The following KCNMA1 variants were observed in gnomAD, a reference collection of about 807,000 sequenced individuals.
KCNMA1 encodes the protein Calcium-activated potassium channel subunit alpha-1.
Under a neutral mutation model 140.0 loss-of-function variants are expected in KCNMA1, and 29 were observed. The observed-to-expected ratio is 0.21, with a 90% confidence interval of 0.15 to 0.28. The LOEUF (loss-of-function observed/expected upper bound fraction) is 0.28, where lower values mean the gene tolerates loss of function less well. Ranked by LOEUF, KCNMA1 falls within the 10% of genes least tolerant of loss-of-function variation. The probability of loss-of-function intolerance (pLI) is 1.00; values close to 1 mark genes in which losing one functional copy is unlikely to be tolerated. For missense variants in KCNMA1, 880 were observed against 1,602.2 expected (o/e 0.55, Z 7.70); for synonymous variants, 612 against 611.9 (o/e 1.00, Z 0.00).
At chr10:77,584,551 G>A (rs916624938) in intron 1 of KCNMA1, among the ~76,000 whole-genome samples, 95 of 152,138 alleles carry the variant, frequency 6.2e-4, no homozygotes, top group African/African-American at 2.0e-3. Context: ...GACAGGGAGG[G>A]TTTCACCATG....
chr10:77,329,998 T>C (rs546706393), intron 2 of KCNMA1, among the ~76,000 whole-genome samples: 15 of 152,338 alleles, frequency 9.8e-5, no homozygotes, highest in Admixed American at 5.2e-4. Context: ...TAATTAGTTT[T>C]ATTGTTATTA....
intron 2 of KCNMA1, among the ~76,000 whole-genome samples, chr10:77,339,799 G>A (rs1192587725): frequency 1.3e-5 from 2 of 152,240 alleles, no homozygotes; most frequent in Non-Finnish European, 2.9e-5. Context: ...ATTCTGCAGG[G>A]GAAGATGTCT....
Position 76,886,537 on chromosome 10 carries a change from C to A in KCNMA1, c.*729G>T, listed in dbSNP as rs901648312. 1.4e-5 allele frequency: 14 copies of A among 985,172 alleles called. No homozygotes were observed. The highest frequency in any genetic ancestry group is 1.7e-5 in the Non-Finnish European group (14 of 829,870). 61.0% of individuals were successfully genotyped at this position (985,172 alleles called of 1,614,324 possible). A position where few individuals can be genotyped will look rare whatever the true frequency, so the allele number is the denominator to read the frequency against. ...TAAACTAAATGACTAGAATTTGATA[C>A]ATCCATGATTGGAATACTATTCTCT... On this transcript the variant is annotated 3_prime_UTR_variant, in exon 28 of 28. Transcript: ENST00000286628.
chr10:77,345,593 G>C (rs1456747613), intron 2 of KCNMA1, among the ~76,000 whole-genome samples: 1 of 152,214 alleles, frequency 6.6e-6, no homozygotes, highest in African/African-American at 2.4e-5. Flanking sequence ...GAATGACAGA[G>C]AGGGAAGGAA....
At chr10:77,151,157 TTTC>T (rs1335361896) in intron 5 of KCNMA1, among the ~76,000 whole-genome samples, 2 of 149,204 alleles carry the variant, frequency 1.3e-5, no homozygotes, top group East Asian at 3.9e-4. Flanking sequence ...CTTTCTTTCT[TTTC>T]TTTTCTTTCT....
At chr10:76,930,478 G>A (rs2058995081) in intron 23 of KCNMA1, among the ~76,000 whole-genome samples, 1 of 152,186 alleles carries the variant, frequency 6.6e-6, no homozygotes, top group African/African-American at 2.4e-5. Context: ...GATAACAAGT[G>A]TTGGTGAGGT....
intron 3 of KCNMA1, among the ~76,000 whole-genome samples, chr10:77,215,234 A>T (rs544896973): frequency 6.6e-6 from 1 of 152,086 alleles, no homozygotes; most frequent in East Asian, 1.9e-4. Flanking sequence ...CATCCAATTC[A>T]TCATGGAGTC....
At chr10:76,870,002 T>C (rs1802308868) in exon 28 of KCNMA1, 2 of 152,446 alleles carry the variant, frequency 1.3e-5, no homozygotes, top group African/African-American at 4.8e-5. Context: ...GGGCCAGAAG[T>C]TTTAGGCAGG....
chr10:77,179,756 C>G (rs1209032708), intron 5 of KCNMA1, among the ~76,000 whole-genome samples: 1 of 152,170 alleles, frequency 6.6e-6, no homozygotes, highest in Non-Finnish European at 1.5e-5. Context: ...AAGATAATCT[C>G]TCTTAGCCTC....
At chr10:77,636,309 A>G in intron 1 of KCNMA1, 3 of 1,507,096 alleles carry the variant, frequency 2.0e-6, no homozygotes, top group Non-Finnish European at 2.7e-6. Context: ...ACGACTACAG[A>G]CCAGGCAGTG....
At position 77,079,498 on chromosome 10, in the gene KCNMA1, G is replaced by A. The variant is rs1565956826; in HGVS notation, c.1576C>T (p.Leu526=). 1 of 1,612,182 alleles carries A rather than the reference G, an allele frequency of 6.2e-7. No homozygotes were observed. The highest frequency in any genetic ancestry group is 1.7e-5 in the Admixed American group (1 of 59,986). ...ACTCCTACCTTGTTGTGATACTGCA[G>A]CATTTGAGTGATGATTCTTATCTTC... ...HPKIRIITQM[L]QYHNKAHLLN... Residue 526 remains leucine (L), a synonymous_variant, in exon 13 of 28, where the codon CTG becomes TTG. Transcript: ENST00000286628.
chr10:77,541,234 T>C (rs2060120473), intron 1 of KCNMA1, among the ~76,000 whole-genome samples: 9 of 152,004 alleles, frequency 5.9e-5, no homozygotes, highest in Admixed American at 5.9e-4. Flanking sequence ...ACAGAGATTA[T>C]CAAACCAGAT....
chr10:77,397,014 T>A lies in KCNMA1; in HGVS notation c.540+6848A>T, dbSNP rs1603464766. On this transcript the variant is annotated intron_variant, in intron 2 of 27. Coordinates refer to ENST00000286628, the MANE Select transcript of KCNMA1 (RefSeq NM_001161352.2). Reference sequence around the variant, plus strand: ...GGCAGTGTAGATGTCGCTCCCAAGTTGAGGTGAGGCTGTCCTTCACCACAG... The same window carrying A: ...GGCAGTGTAGATGTCGCTCCCAAGTAGAGGTGAGGCTGTCCTTCACCACAG... Among the ~76,000 whole-genome samples the A allele has an allele frequency of 4.3e-5, 6 of 140,840 alleles. No individual in the cohort carries two copies. In the East Asian group the frequency reaches 1.3e-3, roughly 30 times the overall value. The allele number at this position is 140,840 out of a possible 152,430, so 92.4% of individuals were successfully genotyped here. A position where few individuals can be genotyped will look rare whatever the true frequency, so the allele number is the denominator to read the frequency against.
chr10:77,030,529 G>T (rs76065502), intron 15 of KCNMA1, among the ~76,000 whole-genome samples: 1 of 152,110 alleles, frequency 6.6e-6, no homozygotes, highest in East Asian at 1.9e-4. Context: ...AATATCCTAT[G>T]AGCAATGACC....
chr10:77,427,461 G>A (rs1055573192), intron 1 of KCNMA1, among the ~76,000 whole-genome samples: 2 of 152,224 alleles, frequency 1.3e-5, no homozygotes, highest in African/African-American at 4.8e-5. Context: ...TAGCTGAGAT[G>A]TGGAGATGAC....
chr10:77,525,017 C>T (rs2055040222), intron 1 of KCNMA1, among the ~76,000 whole-genome samples: 1 of 152,210 alleles, frequency 6.6e-6, no homozygotes. Flanking sequence ...ATCAAGATCA[C>T]AGTCCTCAAA....
chr10:77,165,374 T>A (rs184551428), intron 5 of KCNMA1, among the ~76,000 whole-genome samples: 6 of 152,258 alleles, frequency 3.9e-5, no homozygotes, highest in African/African-American at 1.2e-4. Context: ...ACACATTTTC[T>A]TTCTTTTTAG....
chr10:77,406,906 T>C (rs528395957), intron 1 of KCNMA1, among the ~76,000 whole-genome samples: 1 of 152,188 alleles, frequency 6.6e-6, no homozygotes, highest in East Asian at 1.9e-4. Flanking sequence ...CCACAGCCCC[T>C]TGGTAGACCC....
chr10:77,330,551 T>C (rs2085997474), intron 2 of KCNMA1, among the ~76,000 whole-genome samples: 1 of 152,186 alleles, frequency 6.6e-6, no homozygotes, highest in Non-Finnish European at 1.5e-5. Flanking sequence ...CTCACAATAA[T>C]TTCGTAAATA....
Sources: gnomAD v4.1 joint callset for allele counts (sites outside exome capture counted in the v4.1 genomes callset) on GRCh38, gnomAD v4.1.1 for gene constraint, MANE v1.5 for transcripts, NCBI Gene and HGNC (gene_info 2026-07-23, HGNC 2026-07-21) for gene names.